VIRMA: variants seen among roughly 807,000 people sequenced by gnomAD.
VIRMA encodes protein virilizer homolog.
VIRMA carries 65 observed loss-of-function variants against 182.4 expected under a neutral mutation model. The ratio of observed to expected loss-of-function variants is 0.36; its 90% CI spans 0.29 to 0.44. VIRMA has a LOEUF of 0.44. Ranked by LOEUF, VIRMA falls within the 20% of genes least tolerant of loss-of-function variation. VIRMA has a pLI of 1.00. For missense variants in VIRMA, 1,752 were observed against 2,158.1 expected, an observed-to-expected ratio of 0.81 and a Z score of 3.73; for synonymous variants, 709 against 743.1, an observed-to-expected ratio of 0.95 and a Z score of 0.75.
At chr8:94,499,187 GACAGGGTCTC>G (rs111373938) in intron 17 of VIRMA, 177 bp downstream of exon 17, 10 of 399,012 alleles carry the variant, frequency 2.5e-5, no homozygotes, top group African/African-American at 1.8e-4. Context: ...TTTTTTTCAA[GACAGGGTCTC>G]ACTATTTTGC....
intron 15 of VIRMA, among the ~76,000 whole-genome samples, chr8:94,508,562 T>C (rs1814247267): frequency 6.6e-6 from 1 of 152,116 alleles, no homozygotes; most frequent in South Asian, 2.1e-4. Context: ...GCAGCTAGGA[T>C]GCCACAGCGC....
intron 19 of VIRMA, among the ~76,000 whole-genome samples, 173 bp downstream of exon 19, chr8:94,495,557 TA>T (rs11382498): frequency 0.25 from 30,904 of 124,988 alleles, 4,035 homozygotes; most frequent in East Asian, 0.51. Context: ...TTGTATAAAT[TA>T]AAAAAAAAAA....
At chr8:94,510,297 A>C in intron 14 of VIRMA, 120 bp downstream of exon 14, 1 of 686,276 alleles carries the variant, frequency 1.5e-6, no homozygotes, top group Non-Finnish European at 2.5e-6. Context: ...GTATATGTGT[A>C]TATTTACATG....
rs1377269981 is a variant in VIRMA at position 94,487,708 on chromosome 8, CTG to C, written c.*996_*997del. ...CACTCCTTTTCTGATTAAGATAACTCTGTATTTTACGCCACTTATATAGACTC... is the reference window on the plus strand; with the variant it reads ...CACTCCTTTTCTGATTAAGATAACTCTATTTTACGCCACTTATATAGACTC... On this transcript the variant is annotated 3_prime_UTR_variant, in exon 24 of 24. Transcript: ENST00000297591. 2 of 152,126 alleles carry C rather than the reference CTG, an allele frequency of 1.3e-5. No homozygotes were observed. The highest frequency in any genetic ancestry group is 4.8e-5 in the African/African-American group (2 of 41,432). 9.4% of individuals were successfully genotyped at this position (152,126 alleles called of 1,614,324 possible).
At chr8:94,546,458 C>T (rs1815769162) in intron 1 of VIRMA, among the ~76,000 whole-genome samples, 2 of 151,184 alleles carry the variant, frequency 1.3e-5, no homozygotes, top group Admixed American at 1.3e-4. Context: ...TAAAGCTCTC[C>T]TCCATTCCGG....
intron 16 of VIRMA, among the ~76,000 whole-genome samples, chr8:94,501,785 C>T (rs1052419284): frequency 1.3e-5 from 2 of 151,866 alleles, no homozygotes; most frequent in South Asian, 2.1e-4. Context: ...GCTGAAACCC[C>T]GGCTCTACAA....
intron 1 of VIRMA, among the ~76,000 whole-genome samples, chr8:94,545,551 C>T (rs1815728993): frequency 1.3e-5 from 2 of 152,074 alleles, no homozygotes; most frequent in Admixed American, 1.3e-4. Flanking sequence ...CCAAAGTATG[C>T]TAGTTCTGAG....
At position 94,499,434 on chromosome 8, in the gene VIRMA, T is replaced by C. The variant is rs144256634; in HGVS notation, c.4170A>G (p.Thr1390=). ...CTAAAAATGAAGATGCAAGCTCTCC[T>C]GTGTCCTTACTAAATGTGCTGACCA... ...KRVVSTFSKD[T]GELASSFLEF... Residue 1390 remains threonine, a synonymous_variant, in exon 17 of 24, where the codon ACA becomes ACG. Transcript: ENST00000297591. The C allele has an allele frequency of 3.3e-5, 53 of 1,609,876 alleles. No individual in the cohort carries two copies. The African/African-American group carries it at 5.7e-4, about 17-fold the overall frequency.
chr8:94,503,695 T>C (rs1259231281), intron 16 of VIRMA, among the ~76,000 whole-genome samples: 1 of 152,176 alleles, frequency 6.6e-6, no homozygotes, highest in Non-Finnish European at 1.5e-5. Flanking sequence ...TACAGTTATG[T>C]AAGAGGATAA....
At chr8:94,498,298 T>C (rs1271961742) in intron 17 of VIRMA, 1 of 152,200 alleles carries the variant, frequency 6.6e-6, no homozygotes, top group Admixed American at 6.5e-5. Context: ...GAAAATAATC[T>C]TTAATTCATA....
rs1563466353 is a variant in VIRMA at position 94,514,864 on chromosome 8, C to T, written c.2751+5G>A. On this transcript the variant is annotated splice_donor_5th_base_variant and intron_variant, in intron 11 of 23. Transcript: ENST00000297591. ...AGTCAAAGCACTTTTAAGTTTTACA[C>T]TTACCTGCTTAACATACTCAATTAA... 1 of 1,529,482 alleles carries T rather than the reference C, an allele frequency of 6.5e-7. No individual in the cohort carries two copies. The highest frequency in any genetic ancestry group is 1.7e-5 in the Admixed American group (1 of 59,000). The allele number at this position is 1,529,482 out of a possible 1,614,324, so 94.7% of individuals were successfully genotyped here. A position where few individuals can be genotyped will look rare whatever the true frequency, so the allele number is the denominator to read the frequency against.
chr8:94,488,924 A>G, intron 23 of VIRMA, 64 bp from the exon 24 acceptor site: 1 of 1,540,450 alleles, frequency 6.5e-7, no homozygotes, highest in South Asian at 1.2e-5. Context: ...TATAAATACT[A>G]ATCTACGACA....
intron 1 of VIRMA, among the ~76,000 whole-genome samples, chr8:94,544,806 G>C (rs1185494532): frequency 4.6e-5 from 7 of 151,800 alleles, no homozygotes; most frequent in African/African-American, 7.3e-5. Context: ...CTGAATTATA[G>C]ATAAGAAACT....
At chr8:94,548,204 A>C (rs80010487) in intron 1 of VIRMA, among the ~76,000 whole-genome samples, 6,131 of 150,374 alleles carry the variant, frequency 0.041, 237 homozygotes, top group Non-Finnish European at 0.05. Flanking sequence ...TACATGTATT[A>C]CCTAGTCAAA....
intron 9 of VIRMA, 33 bp downstream of exon 9, chr8:94,518,952 C>G (rs1814655995): frequency 6.5e-7 from 1 of 1,527,458 alleles, no homozygotes; most frequent in Middle Eastern, 1.7e-4. Flanking sequence ...TTTCTAACAT[C>G]ATAGAAAATT....
chr8:94,542,609 A>G (rs1032212428), intron 2 of VIRMA, among the ~76,000 whole-genome samples: 1 of 152,220 alleles, frequency 6.6e-6, no homozygotes, highest in African/African-American at 2.4e-5. Flanking sequence ...TGGATATACT[A>G]TCATTATCCA....
chr8:94,535,737 G>A (rs1321940467), intron 4 of VIRMA, among the ~76,000 whole-genome samples: 3 of 150,508 alleles, frequency 2.0e-5, no homozygotes, highest in Admixed American at 6.6e-5. Context: ...CCAAGATTGC[G>A]CCACTGCACA....
chr8:94,516,690 C>G (rs560025603), intron 10 of VIRMA, among the ~76,000 whole-genome samples: 1 of 152,118 alleles, frequency 6.6e-6, no homozygotes, highest in Non-Finnish European at 1.5e-5. Flanking sequence ...GAATACCCAA[C>G]ACCCAGAAAA....
chr8:94,522,319 T>G (rs1483048296), intron 8 of VIRMA, among the ~76,000 whole-genome samples: 1 of 152,220 alleles, frequency 6.6e-6, no homozygotes, highest in South Asian at 2.1e-4. Flanking sequence ...GCAGGCACTA[T>G]GTGACTCCAC....
Sources: gnomAD v4.1 joint callset for allele counts (sites outside exome capture counted in the v4.1 genomes callset) on GRCh38, gnomAD v4.1.1 for gene constraint, MANE v1.5 for transcripts, NCBI Gene and HGNC (gene_info 2026-07-23, HGNC 2026-07-21) for gene names.